The following PDLIM3 variants were observed in gnomAD, a reference collection of about 807,000 sequenced individuals.
The protein encoded by PDLIM3 is PDZ and LIM domain 3.
Under a neutral mutation model 37.3 loss-of-function variants are expected in PDLIM3, and 36 were observed. The observed-to-expected ratio is 0.97, with a 90% confidence interval of 0.74 to 1.28. The LOEUF is 1.28. Among genes scored for constraint, PDLIM3 ranks in the 50% most tolerant of loss-of-function variants. The probability of loss-of-function intolerance (pLI) is 0.00; values close to 1 mark genes in which losing one functional copy is unlikely to be tolerated. For missense variants in PDLIM3, 454 were observed against 485.0 expected (o/e 0.94, Z 0.60); for synonymous variants, 174 against 182.4 (o/e 0.95, Z 0.37).
At position 185,519,674 on chromosome 4, in the gene PDLIM3, C is replaced by T. The variant is rs145385861; in HGVS notation, c.330+3688G>A. ...TGTCTCCTTAGCTTAAACCTATTCA[C>T]AGGGGAAAAAAACCCCCAGAAATAA... On this transcript the variant is annotated intron_variant, in intron 3 of 7. Coordinates refer to ENST00000284767, the MANE Select transcript of PDLIM3 (RefSeq NM_014476.6). 4.0e-3 allele frequency among the ~76,000 whole-genome samples: 616 copies of T among 152,180 alleles called. 6 individuals carry two copies. The highest frequency in any genetic ancestry group is 0.014 in the African/African-American group (588 of 41,506).
intron 2 of PDLIM3, among the ~76,000 whole-genome samples, chr4:185,524,652 CTCCATTCCATTCCAT>C (rs879898369): frequency 6.6e-6 from 1 of 152,122 alleles, no homozygotes; most frequent in Non-Finnish European, 1.5e-5. Flanking sequence ...AGGGGAATCT[CTCCATTCCATTCCAT>C]TCCATTCCAT....
chr4:185,532,252 T>C (rs1243054566), intron 1 of PDLIM3, among the ~76,000 whole-genome samples: 3 of 152,260 alleles, frequency 2.0e-5, no homozygotes, highest in Non-Finnish European at 4.4e-5. Context: ...ACCGTGTCTA[T>C]ATTTATTCTA....
At chr4:185,531,953 C>T (rs2095745246) in intron 1 of PDLIM3, among the ~76,000 whole-genome samples, 2 of 98,876 alleles carry the variant, frequency 2.0e-5, no homozygotes, top group South Asian at 3.4e-4. Flanking sequence ...AAAAAATTAG[C>T]TGGGTATGGT....
chr4:185,521,838 T>C (rs1048373432), intron 3 of PDLIM3, among the ~76,000 whole-genome samples: 7 of 66,204 alleles, frequency 1.1e-4, no homozygotes, highest in African/African-American at 1.9e-4. Flanking sequence ...CATCCATTTG[T>C]CAGCTATTTA....
chr4:185,502,829 A>C (rs991522771), intron 7 of PDLIM3, among the ~76,000 whole-genome samples: 8 of 152,230 alleles, frequency 5.3e-5, no homozygotes, highest in African/African-American at 1.9e-4. Context: ...ACCCCTCTGC[A>C]AAAGATTCTG....
chr4:185,514,391 G>A lies in PDLIM3; in HGVS notation c.331-54C>T. The A allele has an allele frequency of 1.2e-6, 2 of 1,614,104 alleles. No homozygotes were observed. The highest frequency in any genetic ancestry group is 1.1e-5 in the South Asian group (1 of 91,064). ...TCAGTGGAAGGCGGACACTGTTGCA[G>A]ATAAGATTAAACGAACGATAGTTGT... On this transcript the variant is annotated intron_variant, in intron 3 of 7. Coordinates refer to ENST00000284767, the MANE Select transcript of PDLIM3 (RefSeq NM_014476.6). The surrounding 1 kb of genome is among the most constrained non-coding windows in gnomAD (Gnocchi z 4.0).
At chr4:185,528,585 G>A (rs2095738297) in intron 1 of PDLIM3, among the ~76,000 whole-genome samples, 2 of 152,376 alleles carry the variant, frequency 1.3e-5, no homozygotes, top group African/African-American at 4.8e-5. Context: ...GAGAAGAGGT[G>A]TCTAAGTAAC....
Position 185,505,361 on chromosome 4 carries a change from C to T in PDLIM3, c.794-775G>A, listed in dbSNP as rs1323582869. Among the ~76,000 whole-genome samples, 8 of 152,320 alleles carry T rather than the reference C, an allele frequency of 5.3e-5. No homozygotes were observed. The East Asian group carries it at 7.7e-4, about 15-fold the overall frequency. On this transcript the variant is annotated intron_variant, in intron 6 of 7. Transcript: ENST00000284767. Reference sequence around the variant, plus strand: ...CATACAGGCTGGGCGTGGTGGCTCACGCCTGTAATCCCAGCACTCTGGGAG... The same window carrying T: ...CATACAGGCTGGGCGTGGTGGCTCATGCCTGTAATCCCAGCACTCTGGGAG...
At chr4:185,505,640 TA>T (rs2095695640) in intron 6 of PDLIM3, among the ~76,000 whole-genome samples, 2 of 135,894 alleles carry the variant, frequency 1.5e-5, no homozygotes, top group Non-Finnish European at 3.2e-5. Flanking sequence ...AAAAAAAAAA[TA>T]AAGAATCTGT....
chr4:185,506,372 A>G (rs2095697177), intron 6 of PDLIM3, 150 bp downstream of exon 6: 1 of 1,010,600 alleles, frequency 9.9e-7, no homozygotes, highest in African/African-American at 1.6e-5. Flanking sequence ...GGCACCATCC[A>G]TATCCTATCC....
At chr4:185,534,087 T>G (rs2095749351) in intron 1 of PDLIM3, among the ~76,000 whole-genome samples, 1 of 152,222 alleles carries the variant, frequency 6.6e-6, no homozygotes, top group Non-Finnish European at 1.5e-5. Flanking sequence ...ACAGTTTTCA[T>G]GTTTCATATA....
rs2095686612 is a variant in PDLIM3, at chr4:185,501,194, A to G, written c.*1100T>C. ...GCATGTCTCAGACAGAGGATCCATG[A>G]CTCCAGGAAAGCTGAGCTGAGAGTT... On this transcript the variant is annotated 3_prime_UTR_variant, in exon 8 of 8. Coordinates refer to ENST00000284767, the MANE Select transcript of PDLIM3 (RefSeq NM_014476.6). 2.0e-5 allele frequency: 3 copies of G among 152,166 alleles called. No individual in the cohort carries two copies. In the South Asian group the frequency reaches 6.2e-4, roughly 31 times the overall value. The allele number at this position is 152,166 out of a possible 1,614,324, so 9.4% of individuals were successfully genotyped here.
At position 185,501,778 on chromosome 4, in the gene PDLIM3, T is replaced by C. The variant is rs2095687401; in HGVS notation, c.*516A>G. 6.3e-6 allele frequency: 1 copy of C among 159,958 alleles called. No individual in the cohort carries two copies. Among genetic ancestry groups the C allele is most frequent in the Admixed American group, 6.0e-5 (1 of 16,778 alleles). The allele number at this position is 159,958 out of a possible 1,614,324, so 9.9% of individuals were successfully genotyped here. ...TTTTAAATCTTTTATGTATTTATTA[T>C]GTTTGTTGCATCGAGTGGCATAATT... On this transcript the variant is annotated 3_prime_UTR_variant, in exon 8 of 8. Coordinates refer to ENST00000284767, the MANE Select transcript of PDLIM3 (RefSeq NM_014476.6).
intron 4 of PDLIM3, among the ~76,000 whole-genome samples, chr4:185,510,472 T>C (rs2095704733): frequency 6.6e-6 from 1 of 152,204 alleles, no homozygotes; most frequent in Admixed American, 6.5e-5. Context: ...ACCAATAGCC[T>C]ACTGTTGAAC....
Position 185,508,550 on chromosome 4 carries a change from A to T in PDLIM3, c.411T>A (p.Thr137=). The change falls in exon 5 of 8, where the codon ACT becomes ACA. Residue 137 remains threonine (T), a synonymous_variant. Transcript: ENST00000284767. ...CACTGCCACAGTCAATCCCGGAGGG[A>T]GTGCTGCATCCACTGTGTTAATGGA... The part of the protein sequence containing the change: ...VIPGRSSGCS[T]PSGIDCGSGR... The T allele has an allele frequency of 6.2e-7, 1 of 1,613,998 alleles. No homozygotes were observed. The highest frequency in any genetic ancestry group is 8.5e-7 in the Non-Finnish European group (1 of 1,179,910).
chr4:185,523,621 C>CA (rs1487568509), intron 2 of PDLIM3, among the ~76,000 whole-genome samples, 175 bp from the exon 3 acceptor site: 2 of 151,024 alleles, frequency 1.3e-5, no homozygotes, highest in Non-Finnish European at 3.0e-5. Flanking sequence ...GTCTTCCCCC[C>CA]CCCTTTTTTT....
chr4:185,523,124 C>T (rs2095725498), intron 3 of PDLIM3: 1 of 460,238 alleles, frequency 2.2e-6, no homozygotes, highest in South Asian at 2.8e-5. Context: ...TAGATTTAGC[C>T]AAATTCTTTC....
chr4:185,519,569 G>T (rs576765640), intron 3 of PDLIM3, among the ~76,000 whole-genome samples: 1 of 152,132 alleles, frequency 6.6e-6, no homozygotes, highest in Non-Finnish European at 1.5e-5. Context: ...CTACAGGCGT[G>T]AGCCACCATG....
At chr4:185,527,158 A>G (rs1561203299) in intron 1 of PDLIM3, among the ~76,000 whole-genome samples, 1 of 152,146 alleles carries the variant, frequency 6.6e-6, no homozygotes, top group Admixed American at 6.5e-5. Context: ...GTCCCTATAT[A>G]CCCAAAGATT....
Sources: gnomAD v4.1 joint callset for allele counts (sites outside exome capture counted in the v4.1 genomes callset) on GRCh38, gnomAD v4.1.1 for gene constraint, Gnocchi (gnomAD v3.1) non-coding constraint, MANE v1.5 for transcripts, NCBI Gene and HGNC (gene_info 2026-07-23, HGNC 2026-07-21) for gene names.